The following MBOAT2 variants were observed in gnomAD, a reference collection of about 807,000 sequenced individuals.
MBOAT2 encodes the protein membrane-bound glycerophospholipid O-acyltransferase 2.
In MBOAT2, 28 loss-of-function variants were observed where a neutral mutation model predicts 63.4. The ratio of observed to expected loss-of-function variants is 0.44; its 90% CI spans 0.33 to 0.61. MBOAT2 has a LOEUF of 0.61. MBOAT2 is among the 20% of genes least tolerant of loss of function. The pLI is 0.03. For synonymous variants in MBOAT2, 211 were observed against 215.6 expected, an observed-to-expected ratio of 0.98 and a Z score of 0.19; for missense variants, 470 against 605.8, an observed-to-expected ratio of 0.78 and a Z score of 2.35.
In MBOAT2 at chr2:8,863,431, G is replaced by A. The variant is rs755917375; in HGVS notation, c.1053-709C>T. The stretch of plus-strand genomic sequence containing the variant: ...GATAGGGCAATGTGCTCACAGGGAC[G>A]ATAAGAGAACCCCTGGGAGGGTGTG... On this transcript the variant is annotated intron_variant, in intron 10 of 12. Coordinates refer to ENST00000305997, the MANE Select transcript of MBOAT2 (RefSeq NM_138799.4). Among the ~76,000 whole-genome samples the A allele has an allele frequency of 3.9e-5, 6 of 152,172 alleles. No individual in the cohort carries two copies. The East Asian group carries it at 9.6e-4, about 24-fold the overall frequency.
Position 8,862,671 on chromosome 2 carries a change from G to C in MBOAT2, c.1104C>G (p.Leu368=), listed in dbSNP as rs780165639. Residue 368 remains leucine, a synonymous_variant, in exon 11 of 13, where the codon CTC becomes CTG. Coordinates refer to ENST00000305997, the MANE Select transcript of MBOAT2 (RefSeq NM_138799.4). The surrounding 1 kb of genome is among the most constrained non-coding windows in gnomAD (Gnocchi z 4.3). ...SFSPTIQTFI[L]SAIWHGVYPG... ...GGTATACCCCGTGCCAAATGGCAGA[G>C]AGAATGAACGTCTGGATAGTTGGAC... is the stretch of plus-strand genomic sequence containing the variant. The C allele has an allele frequency of 1.4e-5, 23 of 1,614,162 alleles. No individual in the cohort carries two copies. The highest frequency in any genetic ancestry group is 5.0e-5 in the Admixed American group (3 of 60,026).
intron 4 of MBOAT2, among the ~76,000 whole-genome samples, chr2:8,890,173 C>T (rs1052984977): frequency 4.6e-5 from 7 of 152,282 alleles, no homozygotes; most frequent in South Asian, 2.1e-4. Flanking sequence ...TACTCTTCCT[C>T]GAAGCATTTT....
intron 3 of MBOAT2, among the ~76,000 whole-genome samples, chr2:8,914,832 G>T (rs1467553428): frequency 6.7e-6 from 1 of 149,110 alleles, no homozygotes; most frequent in Admixed American, 6.7e-5. Flanking sequence ...CACTTGAAAT[G>T]ATATTATTTT....
intron 8 of MBOAT2, among the ~76,000 whole-genome samples, chr2:8,872,106 T>C (rs757066709): frequency 1.3e-5 from 2 of 152,224 alleles, no homozygotes; most frequent in Non-Finnish European, 2.9e-5. Flanking sequence ...GGCAAGGTCC[T>C]GTGAAAGCCC....
intron 4 of MBOAT2, among the ~76,000 whole-genome samples, chr2:8,889,998 T>TG (rs1359591973): frequency 6.6e-6 from 1 of 151,906 alleles, no homozygotes; most frequent in Non-Finnish European, 1.5e-5. Flanking sequence ...TGGGAGTATG[T>TG]GTGACATGTA....
At chr2:8,969,062 A>G (rs1670241624) in intron 1 of MBOAT2, among the ~76,000 whole-genome samples, 1 of 152,204 alleles carries the variant, frequency 6.6e-6, no homozygotes, top group Non-Finnish European at 1.5e-5. Context: ...TCCAAGACAC[A>G]TAATTGTAAG....
intron 8 of MBOAT2, among the ~76,000 whole-genome samples, chr2:8,870,900 T>A (rs1009137988): frequency 3.0e-4 from 46 of 152,324 alleles, no homozygotes; most frequent in Middle Eastern, 3.4e-3. Context: ...TGCACAAGAT[T>A]CATTTTTCAA....
At chr2:8,920,695 C>T (rs1023874747) in intron 3 of MBOAT2, among the ~76,000 whole-genome samples, 6 of 152,168 alleles carry the variant, frequency 3.9e-5, no homozygotes, top group African/African-American at 1.2e-4. Context: ...AATCTTCTCT[C>T]AGGAATGTTT....
At chr2:8,892,195 G>A (rs1664054308) in intron 4 of MBOAT2, among the ~76,000 whole-genome samples, 1 of 152,158 alleles carries the variant, frequency 6.6e-6, no homozygotes, top group African/African-American at 2.4e-5. Flanking sequence ...TAAGCTTAAG[G>A]GAAGTCTGTA....
chr2:8,928,326 G>T (rs111587996), intron 3 of MBOAT2, among the ~76,000 whole-genome samples: 1 of 152,138 alleles, frequency 6.6e-6, no homozygotes, highest in Non-Finnish European at 1.5e-5. Flanking sequence ...CACTAGACAA[G>T]AGAGTTAAAA....
At chr2:8,983,651 T>TTAAA (rs1299395210) in intron 1 of MBOAT2, among the ~76,000 whole-genome samples, 2 of 152,170 alleles carry the variant, frequency 1.3e-5, no homozygotes, top group African/African-American at 2.4e-5. Flanking sequence ...ATGTGATAAC[T>TTAAA]GGTAAAACTT....
intron 1 of MBOAT2, among the ~76,000 whole-genome samples, chr2:8,967,006 C>T (rs1015101749): frequency 1.3e-5 from 2 of 152,260 alleles, no homozygotes; most frequent in Middle Eastern, 3.4e-3. Flanking sequence ...TCACACAGAA[C>T]AACGAAGATG....
chr2:8,866,928 TGACTGCCC>T (rs1322931772), intron 9 of MBOAT2, among the ~76,000 whole-genome samples: 1 of 152,220 alleles, frequency 6.6e-6, no homozygotes, highest in Non-Finnish European at 1.5e-5. Flanking sequence ...ACTTACTGCC[TGACTGCCC>T]ACTTTTAGCA....
At chr2:8,936,005 C>T (rs1667635294) in intron 3 of MBOAT2, among the ~76,000 whole-genome samples, 1 of 152,148 alleles carries the variant, frequency 6.6e-6, no homozygotes, top group African/African-American at 2.4e-5. Flanking sequence ...ATCTGTAAAT[C>T]GTTTGTAACT....
At chr2:8,901,930 G>A (rs62104421) in intron 4 of MBOAT2, among the ~76,000 whole-genome samples, 6,436 of 151,532 alleles carry the variant, frequency 0.042, 148 homozygotes, top group Middle Eastern at 0.058. Flanking sequence ...GACCCAGGAG[G>A]CAAGGGTCAG....
At chr2:8,957,949 G>C (rs1253779450) in intron 2 of MBOAT2, among the ~76,000 whole-genome samples, 1 of 152,098 alleles carries the variant, frequency 6.6e-6, no homozygotes, top group African/African-American at 2.4e-5. Flanking sequence ...TTGAGAAAGA[G>C]ACCTAATGAA....
chr2:8,883,546 A>G (rs1410227231), intron 5 of MBOAT2, among the ~76,000 whole-genome samples: 1 of 152,228 alleles, frequency 6.6e-6, no homozygotes, highest in Non-Finnish European at 1.5e-5. Flanking sequence ...TGCCTCAGGA[A>G]CTATTCTATG....
At chr2:8,888,136 T>C (rs1239156893) in intron 4 of MBOAT2, 63 bp from the exon 5 acceptor site, 25 of 1,444,916 alleles carry the variant, frequency 1.7e-5, no homozygotes, top group Non-Finnish European at 2.4e-5. Flanking sequence ...ACTTATGACA[T>C]ATGAGTTAAG....
intron 1 of MBOAT2, among the ~76,000 whole-genome samples, chr2:8,974,098 A>G (rs935701356): frequency 6.6e-6 from 1 of 152,136 alleles, no homozygotes; most frequent in African/African-American, 2.4e-5. Context: ...TCTTTTAGAT[A>G]CCCCATAGCA....
Sources: allele counts gnomAD v4.1 joint callset (sites outside exome capture counted in the v4.1 genomes callset), GRCh38; gene constraint gnomAD v4.1.1; non-coding constraint Gnocchi (gnomAD v3.1); transcripts MANE v1.5; gene names NCBI Gene and HGNC (gene_info 2026-07-23, HGNC 2026-07-21).